The following FRAS1 variants were observed in gnomAD, a reference collection of about 807,000 sequenced individuals.
FRAS1 encodes Fraser extracellular matrix complex subunit 1.
Under a neutral mutation model 435.2 loss-of-function variants are expected in FRAS1, and 290 were observed. The observed-to-expected ratio is 0.67, with a 90% CI of 0.61 to 0.73. The LOEUF is 0.73. Among genes scored for constraint, FRAS1 ranks in the 30% least tolerant of loss-of-function variants. The pLI, the probability that FRAS1 is intolerant of heterozygous loss-of-function variation, is 0.00. For missense variants in FRAS1, 4,860 were observed against 5,001.5 expected (o/e 0.97, Z 0.85); for synonymous variants, 1,800 against 1,851.0 (o/e 0.97, Z 0.71).
intron 44 of FRAS1, among the ~76,000 whole-genome samples, chr4:78,449,368 C>T (rs1718949519): frequency 6.6e-6 from 1 of 152,126 alleles, no homozygotes; most frequent in African/African-American, 2.4e-5. Flanking sequence ...AAGACATTAC[C>T]TCATCCCTCA....
chr4:78,540,435 A>T, intron 73 of FRAS1, 96 bp from the exon 74 acceptor site: 1 of 675,576 alleles, frequency 1.5e-6, no homozygotes, highest in Admixed American at 3.6e-5. Flanking sequence ...GAAATCAGTT[A>T]TCTATCAAGG....
At chr4:78,395,035 G>A (rs1732600908) in intron 29 of FRAS1, among the ~76,000 whole-genome samples, 4 of 151,814 alleles carry the variant, frequency 2.6e-5, no homozygotes, top group African/African-American at 7.2e-5. Flanking sequence ...AACACATATT[G>A]CATGTCGGTT....
intron 26 of FRAS1, among the ~76,000 whole-genome samples, chr4:78,377,662 C>G (rs1277126111): frequency 6.6e-6 from 1 of 152,160 alleles, no homozygotes; most frequent in Admixed American, 6.5e-5. Flanking sequence ...TAATCCTACT[C>G]CAGTGTAAAT....
At position 78,137,573 on chromosome 4, in the gene FRAS1, A is replaced by G. The variant is rs1390655943; in HGVS notation, c.108+71557A>G. ...TCTCTCAGAAATGGATGTGATTGAC[A>G]AGGGAAGGTTCAAGTACTGTCTGGG... is the stretch of plus-strand genomic sequence containing the variant. On this transcript the variant is annotated intron_variant, in intron 2 of 73. Coordinates refer to ENST00000512123, the MANE Select transcript of FRAS1 (RefSeq NM_025074.7). 2.6e-5 allele frequency among the ~76,000 whole-genome samples: 4 copies of G among 152,222 alleles called. No individual in the cohort carries two copies. The East Asian group carries it at 7.7e-4, about 29-fold the overall frequency.
chr4:78,530,625 G>T (rs1560428231), intron 70 of FRAS1, among the ~76,000 whole-genome samples: 1 of 152,060 alleles, frequency 6.6e-6, no homozygotes, highest in East Asian at 1.9e-4. Context: ...TTTTTATCAG[G>T]TTTTTCAAAG....
chr4:78,098,331 A>G (rs1741927425), intron 2 of FRAS1, among the ~76,000 whole-genome samples: 1 of 146,656 alleles, frequency 6.8e-6, no homozygotes, highest in African/African-American at 2.5e-5. Flanking sequence ...GCTGGAGTGC[A>G]GTAGCATGAT....
At chr4:78,164,509 A>T (rs1721261235) in intron 2 of FRAS1, among the ~76,000 whole-genome samples, 1 of 152,166 alleles carries the variant, frequency 6.6e-6, no homozygotes, top group Non-Finnish European at 1.5e-5. Context: ...TAAATTTAGT[A>T]CTTATATAAA....
intron 2 of FRAS1, chr4:78,070,439 C>G (rs769276563): frequency 6.6e-6 from 1 of 152,116 alleles, no homozygotes; most frequent in Non-Finnish European, 1.5e-5. Context: ...TCTTCTGTAA[C>G]TTTCTCTTCT....
intron 56 of FRAS1, 143 bp from the exon 57 acceptor site, chr4:78,481,661 A>AGG (rs1306750586): frequency 2.4e-6 from 2 of 841,992 alleles, no homozygotes; most frequent in Non-Finnish European, 3.9e-6. Context: ...GATGGGCCAT[A>AGG]GGAGCATCAC....
chr4:78,303,787 C>T (rs1329270758), intron 14 of FRAS1, among the ~76,000 whole-genome samples: 4 of 151,758 alleles, frequency 2.6e-5, no homozygotes, highest in Non-Finnish European at 1.5e-5. Context: ...GATATACAAT[C>T]ATGTCATCTG....
chr4:78,438,087 CTT>C (rs1560727772), intron 38 of FRAS1, among the ~76,000 whole-genome samples: 2 of 152,156 alleles, frequency 1.3e-5, no homozygotes, highest in Admixed American at 1.3e-4. Context: ...AGCTAAATAA[CTT>C]TTCTGTTTCA....
At chr4:78,412,911 AC>A in intron 31 of FRAS1, 57 bp from the exon 32 acceptor site, 2 of 1,020,096 alleles carry the variant, frequency 2.0e-6, no homozygotes, top group South Asian at 3.5e-5. Context: ...AAACCCACGT[AC>A]TAACATGCTC....
intron 30 of FRAS1, among the ~76,000 whole-genome samples, chr4:78,401,578 G>A (rs189006900): frequency 1.2e-4 from 19 of 152,180 alleles, no homozygotes; most frequent in African/African-American, 2.6e-4. Context: ...ATGTCCATGC[G>A]GAGACAGAGC....
chr4:78,367,408 CAAAAA>C (rs11299648), intron 22 of FRAS1, among the ~76,000 whole-genome samples: 3 of 122,146 alleles, frequency 2.5e-5, no homozygotes, highest in African/African-American at 9.4e-5. Flanking sequence ...AGAACTGTCT[CAAAAA>C]AAAAAAAAAA....
intron 2 of FRAS1, among the ~76,000 whole-genome samples, chr4:78,093,000 C>A (rs1171813660): frequency 6.6e-6 from 1 of 152,182 alleles, no homozygotes; most frequent in African/African-American, 2.4e-5. Context: ...CAGGCTTTAA[C>A]CTTTCCTTTT....
intron 2 of FRAS1, among the ~76,000 whole-genome samples, chr4:78,068,845 G>A (rs1740189913): frequency 6.6e-6 from 1 of 152,166 alleles, no homozygotes; most frequent in Non-Finnish European, 1.5e-5. Flanking sequence ...AACTGGAAAT[G>A]GTAGATGATG....
chr4:78,394,018 G>A (rs1578295590), intron 29 of FRAS1, among the ~76,000 whole-genome samples: 2 of 151,744 alleles, frequency 1.3e-5, no homozygotes, highest in Admixed American at 6.6e-5. Context: ...GCCTTCTTTG[G>A]AGAAATACCT....
chr4:78,253,059 C>A lies in FRAS1; in HGVS notation c.469+508C>A, dbSNP rs547894785. ...CAGGAGACCAGGGTGTATTTCAGTC[C>A]TTATCGCAACCACATAAGACAGAAC... On this transcript the variant is annotated intron_variant, in intron 5 of 73. Coordinates refer to ENST00000512123, the MANE Select transcript of FRAS1 (RefSeq NM_025074.7). Among the ~76,000 whole-genome samples, 15 of 152,182 alleles carry A rather than the reference C, an allele frequency of 9.9e-5. No individual in the cohort carries two copies. The South Asian group carries it at 2.7e-3, about 27-fold the overall frequency.
intron 47 of FRAS1, among the ~76,000 whole-genome samples, chr4:78,456,147 T>TC (rs1553962178): frequency 1.1e-4 from 14 of 128,594 alleles, no homozygotes; most frequent in South Asian, 1.0e-3. Context: ...ACTTTTTTTT[T>TC]TTTTTTTTTT....
Sources: gnomAD v4.1 joint callset for allele counts (sites outside exome capture counted in the v4.1 genomes callset) on GRCh38, gnomAD v4.1.1 for gene constraint, MANE v1.5 for transcripts, NCBI Gene and HGNC (gene_info 2026-07-23, HGNC 2026-07-21) for gene names.